ATP9A: variants seen among roughly 807,000 people sequenced by gnomAD.
The protein encoded by ATP9A is probable phospholipid-transporting ATPase IIA.
A neutral mutation model predicts 144.1 loss-of-function variants in ATP9A; 52 were observed. The ratio of observed to expected loss-of-function variants is 0.36; its 90% CI spans 0.29 to 0.45. ATP9A has a LOEUF of 0.45. Among genes scored for constraint, ATP9A ranks in the 20% least tolerant of loss-of-function variants. ATP9A has a pLI of 1.00. For synonymous variants in ATP9A, 582 were observed against 557.4 expected (o/e 1.04, Z -0.62); for missense variants, 947 against 1,392.7 (o/e 0.68, Z 5.09).
At chr20:51,757,553 G>A (rs758833778) in intron 1 of ATP9A, among the ~76,000 whole-genome samples, 17 of 152,064 alleles carry the variant, frequency 1.1e-4, no homozygotes, top group Non-Finnish European at 2.5e-4. Context: ...TTCCCTGCTC[G>A]CACAGGGCCT....
At chr20:51,744,158 TATTTA>T (rs1440693236) in intron 1 of ATP9A, among the ~76,000 whole-genome samples, 1 of 151,734 alleles carries the variant, frequency 6.6e-6, no homozygotes, top group Non-Finnish European at 1.5e-5. Context: ...TTTATTATTT[TATTTA>T]TTTTTTGTTT....
intron 9 of ATP9A, among the ~76,000 whole-genome samples, chr20:51,686,226 G>GA (rs200447883): frequency 0.014 from 2,107 of 152,244 alleles, 49 homozygotes; most frequent in African/African-American, 0.048. Flanking sequence ...TGGCGTGGGG[G>GA]AGTGGGGAGG....
Position 51,729,945 on chromosome 20 carries a change from C to G in ATP9A, c.102G>C (p.Gly34=), listed in dbSNP as rs752935225. 1 of 1,574,056 alleles carries G rather than the reference C, an allele frequency of 6.4e-7. No individual in the cohort carries two copies. Among genetic ancestry groups the G allele is most frequent in the South Asian group, 1.2e-5 (1 of 85,684 alleles). ...GCCAGACAGTGCGGGGCCTGGCCTC[C>G]CCTCCACCGCAGCATCTCAGCCACT... The part of the protein sequence containing the change: ...CCEWLRCCGG[G]EARPRTVWLG... The change falls in exon 2 of 28, where the codon GGG becomes GGC. Residue 34 remains glycine, a synonymous_variant. Transcript: ENST00000338821.
intron 15 of ATP9A, among the ~76,000 whole-genome samples, chr20:51,633,419 T>G (rs1375641284): frequency 6.6e-6 from 1 of 152,108 alleles, no homozygotes; most frequent in African/African-American, 2.4e-5. Flanking sequence ...GGAAATCCCT[T>G]GAAAAGGTAA....
At chr20:51,731,082 G>A (rs957633746) in intron 1 of ATP9A, among the ~76,000 whole-genome samples, 1 of 151,824 alleles carries the variant, frequency 6.6e-6, no homozygotes, top group Non-Finnish European at 1.5e-5. Flanking sequence ...GAGGCAGGCG[G>A]ATCATGAGGT....
chr20:51,664,008 G>T (rs2077422517), intron 13 of ATP9A, among the ~76,000 whole-genome samples: 1 of 152,004 alleles, frequency 6.6e-6, no homozygotes, highest in African/African-American at 2.4e-5. Context: ...ACAGACCAAA[G>T]TATGTGGAAT....
chr20:51,609,189 G>A (rs2077175660), intron 24 of ATP9A, among the ~76,000 whole-genome samples: 1 of 152,048 alleles, frequency 6.6e-6, no homozygotes, highest in African/African-American at 2.4e-5. Context: ...GGGAAAGATG[G>A]GACCAGACCA....
At chr20:51,684,608 A>G (rs1476055833) in intron 9 of ATP9A, among the ~76,000 whole-genome samples, 1 of 151,162 alleles carries the variant, frequency 6.6e-6, no homozygotes, top group South Asian at 2.1e-4. Context: ...AGGCAGGAGA[A>G]TGGCGTGAAC....
intron 4 of ATP9A, among the ~76,000 whole-genome samples, chr20:51,701,630 A>T (rs1005075921): frequency 1.3e-5 from 2 of 152,182 alleles, no homozygotes; most frequent in East Asian, 3.9e-4. Context: ...CCAACTGTCC[A>T]TCAGCCAACA....
chr20:51,643,952 A>G (rs974252519), intron 14 of ATP9A, among the ~76,000 whole-genome samples: 8 of 152,224 alleles, frequency 5.3e-5, no homozygotes, highest in Non-Finnish European at 1.0e-4. Flanking sequence ...TCAGGTCAAC[A>G]TAGCGAAACC....
rs559731508 is a variant in ATP9A at position 51,664,886 on chromosome 20, A to ATTTT, written c.1293+5107_1293+5110dup. ...AGGTGCCCGCCACCACCCCCGGCTA[A>ATTTT]TTTTTTTTTTTTTTTTTGTATTTTT... On this transcript the variant is annotated intron_variant, in intron 13 of 27. Transcript: ENST00000338821. Among the ~76,000 whole-genome samples the ATTTT allele has an allele frequency of 5.1e-4, 69 of 135,906 alleles. 1 individual carries two copies. Among genetic ancestry groups the ATTTT allele is most frequent in the African/African-American group, 1.9e-3 (69 of 36,610 alleles). The allele number at this position is 135,906 out of a possible 152,430, so 89.2% of individuals were successfully genotyped here. A position where few individuals can be genotyped will look rare whatever the true frequency, so the allele number is the denominator to read the frequency against.
intron 1 of ATP9A, among the ~76,000 whole-genome samples, 186 bp from the exon 2 acceptor site, chr20:51,730,164 C>A (rs1223337151): frequency 6.6e-6 from 1 of 152,088 alleles, no homozygotes; most frequent in African/African-American, 2.4e-5. Context: ...AAGCTGTGGT[C>A]CAAATAAAAG....
At chr20:51,626,390 G>A (rs566687771) in intron 17 of ATP9A, among the ~76,000 whole-genome samples, 5 of 151,976 alleles carry the variant, frequency 3.3e-5, no homozygotes, top group Non-Finnish European at 5.9e-5. Context: ...TTGGGGGCTT[G>A]AGGGAGGAGA....
Position 51,633,914 on chromosome 20 carries a change from G to C in ATP9A, c.1669-4842C>G, listed in dbSNP as rs549859544. ...AAAGAGGGAGGGAGGGAGGAAGAAA[G>C]GGAGGGAGGGAGAGAGAGAGGGAGG... On this transcript the variant is annotated intron_variant, in intron 15 of 27. Coordinates refer to ENST00000338821, the MANE Select transcript of ATP9A (RefSeq NM_006045.3). Among the ~76,000 whole-genome samples the C allele has an allele frequency of 2.0e-5, 3 of 151,746 alleles. No individual in the cohort carries two copies. The East Asian group carries it at 5.8e-4, about 29-fold the overall frequency.
At chr20:51,662,544 CAA>C (rs57342641) in intron 13 of ATP9A, among the ~76,000 whole-genome samples, 100 of 134,478 alleles carry the variant, frequency 7.4e-4, no homozygotes, top group East Asian at 3.4e-3. Context: ...GACTCTGTCT[CAA>C]AAAAAAAAAA....
chr20:51,686,891 T>C (rs1468902388), intron 9 of ATP9A, among the ~76,000 whole-genome samples: 6 of 149,554 alleles, frequency 4.0e-5, no homozygotes, highest in Admixed American at 3.3e-4. Flanking sequence ...GCCAAGATGG[T>C]ACCACTGCAC....
chr20:51,610,048 A>C, intron 24 of ATP9A, 53 bp downstream of exon 24: 4 of 1,477,080 alleles, frequency 2.7e-6, no homozygotes, highest in Non-Finnish European at 3.8e-6. Context: ...TCTCTGTTGC[A>C]GCATTTGAAG....
chr20:51,690,186 C>G (rs1045961996), intron 8 of ATP9A, among the ~76,000 whole-genome samples: 10 of 147,076 alleles, frequency 6.8e-5, no homozygotes, highest in East Asian at 2.1e-4. Flanking sequence ...TTTGGGAGGC[C>G]AAGGCGGGCG....
chr20:51,610,157 A>G lies in ATP9A; in HGVS notation c.2580T>C (p.Phe860=), dbSNP rs1428274535. 1 of 1,609,350 alleles carries G rather than the reference A, an allele frequency of 6.2e-7. No homozygotes were observed. The highest frequency in any genetic ancestry group is 1.7e-5 in the Admixed American group (1 of 60,006). The change falls in exon 24 of 28, where the codon TTT becomes TTC. Residue 860 remains phenylalanine (F), a synonymous_variant. Transcript: ENST00000338821. ...SLCISTMQAV[F]SSVFYFASVP... is the part of the protein sequence containing the mutation. ...CGGAGGCAAAGTAAAACACGGAGGA[A>G]AAGACAGCCTGTGCCAAGGAGAGAG...
Sources: allele counts gnomAD v4.1 joint callset (sites outside exome capture counted in the v4.1 genomes callset), GRCh38; gene constraint gnomAD v4.1.1; transcripts MANE v1.5; gene names NCBI Gene and HGNC (gene_info 2026-07-23, HGNC 2026-07-21).